Variants in HSPB8 observed in about 807,000 individuals in gnomAD.
The protein encoded by HSPB8 is heat shock protein beta-8.
In HSPB8, 9 loss-of-function variants were observed where a neutral mutation model predicts 16.5. The ratio of observed to expected loss-of-function variants is 0.55; its 90% CI spans 0.33 to 0.95. HSPB8 has a LOEUF of 0.95. Ranked by LOEUF, HSPB8 falls within the 40% of genes least tolerant of loss-of-function variation. The probability of loss-of-function intolerance (pLI) is 0.03; values close to 1 mark genes in which losing one functional copy is unlikely to be tolerated. For missense variants in HSPB8, 238 were observed against 251.2 expected (o/e 0.95, Z 0.35); for synonymous variants, 99 against 94.8 (o/e 1.04, Z -0.26).
intron 2 of HSPB8, among the ~76,000 whole-genome samples, chr12:119,188,818 G>A (rs890125798): frequency 2.0e-5 from 3 of 152,204 alleles, no homozygotes; most frequent in Non-Finnish European, 2.9e-5. Context: ...GGCTGAAAGT[G>A]ACATAAGGTC....
intron 1 of HSPB8, among the ~76,000 whole-genome samples, chr12:119,185,270 T>A (rs1747030211): frequency 6.6e-6 from 1 of 151,864 alleles, no homozygotes; most frequent in Non-Finnish European, 1.5e-5. Flanking sequence ...TCTTCCCACC[T>A]CAGCCTCCCA....
intron 2 of HSPB8, 45 bp from the exon 3 acceptor site, chr12:119,193,654 C>T: frequency 6.3e-7 from 1 of 1,588,554 alleles, no homozygotes; most frequent in East Asian, 2.2e-5. Flanking sequence ...AATGTTTAAG[C>T]AATATTAACA....
At chr12:119,180,989 AAACTGGCTCC>A (rs1163240276) in intron 1 of HSPB8, among the ~76,000 whole-genome samples, 1 of 152,180 alleles carries the variant, frequency 6.6e-6, no homozygotes, top group African/African-American at 2.4e-5. Flanking sequence ...ATGAGTTCCG[AAACTGGCTCC>A]AACTTTAACC....
At chr12:119,187,114 C>CA in intron 2 of HSPB8, 26 bp downstream of exon 2, 1 of 1,601,514 alleles carries the variant, frequency 6.2e-7, no homozygotes, top group Non-Finnish European at 8.6e-7. Context: ...TCATGGAGCT[C>CA]AGGGTGGGAG....
intron 1 of HSPB8, among the ~76,000 whole-genome samples, chr12:119,186,526 G>A (rs1592930428): frequency 6.6e-6 from 1 of 152,092 alleles, no homozygotes; most frequent in Admixed American, 6.6e-5. Context: ...AACAAAGGGA[G>A]AACGACGTCT....
chr12:119,180,909 G>T (rs1425091191), intron 1 of HSPB8, among the ~76,000 whole-genome samples: 3 of 152,188 alleles, frequency 2.0e-5, no homozygotes, highest in Non-Finnish European at 2.9e-5. Context: ...GTGGTGGGCT[G>T]GGAGACACGC....
At chr12:119,184,163 G>A (rs1029067467) in intron 1 of HSPB8, among the ~76,000 whole-genome samples, 5 of 152,184 alleles carry the variant, frequency 3.3e-5, no homozygotes, top group African/African-American at 1.2e-4. Flanking sequence ...CTTCCAAGCT[G>A]TGTGACCTTG....
intron 1 of HSPB8, among the ~76,000 whole-genome samples, chr12:119,180,169 A>G (rs549658312): frequency 8.5e-5 from 13 of 152,332 alleles, no homozygotes; most frequent in South Asian, 4.1e-4. Context: ...CAGTAATTGT[A>G]GTAACACTAA....
At chr12:119,192,379 G>T (rs1171976952) in intron 2 of HSPB8, among the ~76,000 whole-genome samples, 1 of 152,102 alleles carries the variant, frequency 6.6e-6, no homozygotes, top group Non-Finnish European at 1.5e-5. Flanking sequence ...ATAATTGGCT[G>T]GGCTCGGTGG....
At chr12:119,185,602 G>A (rs1414957234) in intron 1 of HSPB8, among the ~76,000 whole-genome samples, 1 of 151,992 alleles carries the variant, frequency 6.6e-6, no homozygotes, top group Non-Finnish European at 1.5e-5. Flanking sequence ...AAAGTGCTGG[G>A]ATTACAGGCA....
intron 1 of HSPB8, among the ~76,000 whole-genome samples, chr12:119,184,135 G>T (rs1018905633): frequency 9.2e-5 from 14 of 152,266 alleles, no homozygotes; most frequent in Non-Finnish European, 1.8e-4. Flanking sequence ...GCCTGCTTTT[G>T]AATCTTTGCA....
chr12:119,190,277 C>T (rs1204257481), intron 2 of HSPB8, among the ~76,000 whole-genome samples: 1 of 152,178 alleles, frequency 6.6e-6, no homozygotes, highest in Non-Finnish European at 1.5e-5. Flanking sequence ...TCTGGGACAC[C>T]TCTGGACCAA....
At position 119,181,281 on chromosome 12, in the gene HSPB8, A is replaced by G. The variant is rs560413674; in HGVS notation, c.367+1602A>G. Among the ~76,000 whole-genome samples the G allele has an allele frequency of 6.6e-5, 10 of 152,304 alleles. No individual in the cohort carries two copies. The South Asian group carries it at 2.1e-3, about 32-fold the overall frequency. On this transcript the variant is annotated intron_variant, in intron 1 of 2. Coordinates refer to ENST00000281938, the MANE Select transcript of HSPB8 (RefSeq NM_014365.3). ...GTCTGGGCACAGCTTAATTTTATACATTTTAGAGAGACATGAGACATCAAT... is the reference window on the plus strand; with the variant it reads ...GTCTGGGCACAGCTTAATTTTATACGTTTTAGAGAGACATGAGACATCAAT...
intron 1 of HSPB8, among the ~76,000 whole-genome samples, chr12:119,183,778 G>A (rs1337936919): frequency 1.3e-5 from 2 of 152,076 alleles, no homozygotes; most frequent in African/African-American, 2.4e-5. Flanking sequence ...CCCACCTCCA[G>A]GCCCCTCTTT....
chr12:119,179,571 AC>A lies in HSPB8; in HGVS notation c.266del (p.Pro89HisfsTer12). On this transcript the variant is annotated frameshift_variant, in exon 1 of 3. Transcript: ENST00000281938. LOFTEE classifies it high-confidence loss of function. ...ARFGVPAEGR[T>X]PPPFPGEPWK... ...GTTTGGGGTGCCTGCCGAGGGCAGG[AC>A]CCCCCCACCCTTCCCTGGGGAGCCC... 2.5e-6 allele frequency: 4 copies of A among 1,611,138 alleles called. No homozygotes were observed. The highest frequency in any genetic ancestry group is 2.5e-6 in the Non-Finnish European group (3 of 1,178,684).
chr12:119,180,023 C>A (rs1406541023), intron 1 of HSPB8, among the ~76,000 whole-genome samples: 1 of 152,060 alleles, frequency 6.6e-6, no homozygotes, highest in Non-Finnish European at 1.5e-5. Context: ...AAAGAAGAAA[C>A]GGGATTTTGT....
In HSPB8 at chr12:119,179,699, G is replaced by A. The variant is rs758567324; in HGVS notation, c.367+20G>A. The A allele has an allele frequency of 2.6e-6, 4 of 1,556,454 alleles. No homozygotes were observed. In the East Asian group the frequency reaches 9.0e-5, roughly 35 times the overall value. On this transcript the variant is annotated intron_variant, in intron 1 of 2. Transcript: ENST00000281938. ...TGTCTGGTAAGTCAGGGGCAGGAGG[G>A]AGAGAGAATGGGGAGGCCGGGATGT... is the stretch of plus-strand genomic sequence containing the variant.
rs530809949 is a variant in HSPB8 at position 119,192,218 on chromosome 12, C to T, written c.432-1481C>T. Reference sequence around the variant, plus strand: ...GATTTAGGTTTAGAAATTCCATCTTCGATGCTTTCTCACTTGTTGAGCTTG... The same window carrying T: ...GATTTAGGTTTAGAAATTCCATCTTTGATGCTTTCTCACTTGTTGAGCTTG... On this transcript the variant is annotated intron_variant, in intron 2 of 2. Coordinates refer to ENST00000281938, the MANE Select transcript of HSPB8 (RefSeq NM_014365.3). Among the ~76,000 whole-genome samples, 20 of 152,302 alleles carry T rather than the reference C, an allele frequency of 1.3e-4. No individual in the cohort carries two copies. The South Asian group carries it at 2.9e-3, about 22-fold the overall frequency.
intron 2 of HSPB8, among the ~76,000 whole-genome samples, chr12:119,192,319 C>G (rs1220733381): frequency 1.3e-5 from 2 of 152,110 alleles, no homozygotes; most frequent in Non-Finnish European, 2.9e-5. Context: ...TAATCATCCT[C>G]TTACAATACT....
Sources: allele counts gnomAD v4.1 joint callset (sites outside exome capture counted in the v4.1 genomes callset), GRCh38; gene constraint gnomAD v4.1.1; transcripts MANE v1.5; gene names NCBI Gene and HGNC (gene_info 2026-07-23, HGNC 2026-07-21).